Variants in FLYWCH2 observed in about 807,000 individuals in gnomAD.
The protein encoded by FLYWCH2 is FLYWCH family member 2.
Under a neutral mutation model 6.0 loss-of-function variants are expected in FLYWCH2, and 2 were observed. That is an observed-to-expected ratio of 0.33 (90% CI 0.14 to 1.04). FLYWCH2 has a LOEUF of 1.04. FLYWCH2 is among the 50% of genes least tolerant of loss of function. FLYWCH2 has a pLI of 0.45. For missense variants in FLYWCH2, 192 were observed against 183.4 expected (o/e 1.05, Z -0.27); for synonymous variants, 87 against 79.3 (o/e 1.10, Z -0.52).
In FLYWCH2 at chr16:2,883,382, G is replaced by C. The variant is rs1033009108; in HGVS notation, c.-200+16G>C. On this transcript the variant is annotated intron_variant, in intron 1 of 3. Coordinates refer to ENST00000396958, the MANE Select transcript of FLYWCH2 (RefSeq NM_138439.3). ...GCTGTCGTCGGTGAGGACGGGCCCT[G>C]GCGGGCGGGGAGGGTCCTGCGTCCT... 6.6e-6 allele frequency: 1 copy of C among 152,248 alleles called. No homozygotes were observed. The highest frequency in any genetic ancestry group is 2.4e-5 in the African/African-American group (1 of 41,466). The allele number at this position is 152,248 out of a possible 1,614,324, so 9.4% of individuals were successfully genotyped here.
intron 1 of FLYWCH2, among the ~76,000 whole-genome samples, chr16:2,888,914 A>G (rs1266820688): frequency 6.6e-6 from 1 of 152,136 alleles, no homozygotes; most frequent in Non-Finnish European, 1.5e-5. Flanking sequence ...AAGCAAATTT[A>G]TTATTGCACT....
chr16:2,886,048 A>G (rs1029091187), intron 1 of FLYWCH2, among the ~76,000 whole-genome samples: 1 of 152,010 alleles, frequency 6.6e-6, no homozygotes, highest in Non-Finnish European at 1.5e-5. Context: ...GTGTGAAGTG[A>G]TATCTCATTG....
rs2285824 is a variant in FLYWCH2 at position 2,896,432 on chromosome 16, C to T, written c.-18C>T. The stretch of plus-strand genomic sequence containing the variant: ...TGGGGGCTGAGTGTGGCCTGAGGGA[C>T]AGGCCCTGGGTCCCGGGATGCCCCT... On this transcript the variant is annotated 5_prime_UTR_variant, in exon 3 of 4. Transcript: ENST00000396958. 151,066 of 1,596,166 alleles carry T rather than the reference C, an allele frequency of 0.095. 9,151 individuals are homozygous for T. Among genetic ancestry groups the T allele is most frequent in the East Asian group, 0.24 (10,570 of 44,712 alleles).
chr16:2,895,784 A>G (rs2069812388), intron 2 of FLYWCH2, among the ~76,000 whole-genome samples: 3 of 152,206 alleles, frequency 2.0e-5, no homozygotes, highest in African/African-American at 7.2e-5. Context: ...AAACTGAGCT[A>G]ATGTCCCCAG....
intron 1 of FLYWCH2, among the ~76,000 whole-genome samples, chr16:2,886,284 G>A (rs965003961): frequency 2.8e-4 from 43 of 151,932 alleles, no homozygotes; most frequent in South Asian, 6.2e-4. Context: ...TCCACCTCCC[G>A]GGTTCAAGCA....
chr16:2,895,964 A>C (rs542324254), intron 2 of FLYWCH2, among the ~76,000 whole-genome samples: 1 of 152,212 alleles, frequency 6.6e-6, no homozygotes, highest in Non-Finnish European at 1.5e-5. Flanking sequence ...GACTGGGTCC[A>C]TAAGAACAGC....
At chr16:2,892,786 G>T (rs943066892) in intron 1 of FLYWCH2, among the ~76,000 whole-genome samples, 1 of 150,878 alleles carries the variant, frequency 6.6e-6, no homozygotes, top group African/African-American at 2.4e-5. Flanking sequence ...GGAGGTTGCA[G>T]TGATCCGAGA....
chr16:2,895,879 G>A (rs946067082), intron 2 of FLYWCH2, among the ~76,000 whole-genome samples: 2 of 152,230 alleles, frequency 1.3e-5, no homozygotes, highest in Non-Finnish European at 1.5e-5. Flanking sequence ...GTGGTCATGG[G>A]CTCTGTGTCC....
intron 1 of FLYWCH2, 119 bp downstream of exon 1, chr16:2,883,485 G>A (rs2069663512): frequency 6.5e-6 from 1 of 152,752 alleles, no homozygotes; most frequent in Non-Finnish European, 1.5e-5. Context: ...CCGCGTCCTG[G>A]TGCTCAGGCC....
intron 3 of FLYWCH2, among the ~76,000 whole-genome samples, chr16:2,898,128 C>T (rs2069844047): frequency 6.6e-6 from 1 of 152,170 alleles, no homozygotes; most frequent in Non-Finnish European, 1.5e-5. Flanking sequence ...CACAGAGGGT[C>T]ACAGCCCCAC....
intron 3 of FLYWCH2, among the ~76,000 whole-genome samples, chr16:2,898,401 C>T (rs1003416888): frequency 6.6e-6 from 1 of 152,204 alleles, no homozygotes; most frequent in African/African-American, 2.4e-5. Context: ...TCCTGCCAAC[C>T]TTGGGCAGAG....
intron 1 of FLYWCH2, among the ~76,000 whole-genome samples, chr16:2,894,514 A>T (rs2069795356): frequency 6.6e-6 from 1 of 152,178 alleles, no homozygotes; most frequent in African/African-American, 2.4e-5. Flanking sequence ...ACGGCCCCAG[A>T]GTGGCCCCCA....
chr16:2,886,612 C>T (rs775678110), intron 1 of FLYWCH2, among the ~76,000 whole-genome samples: 26 of 145,558 alleles, frequency 1.8e-4, no homozygotes, highest in Non-Finnish European at 3.4e-4. Context: ...ACCTCCGCCT[C>T]CTGGGTTCAA....
At position 2,885,139 on chromosome 16, in the gene FLYWCH2, G is replaced by A. The variant is rs1432497658; in HGVS notation, c.-200+1773G>A. ...AGATCGAGACCATCCTGGCTAACAC[G>A]GTGAAACCCCGTCTCTACTAAAAAT... On this transcript the variant is annotated intron_variant, in intron 1 of 3. Transcript: ENST00000396958. 7.9e-5 allele frequency among the ~76,000 whole-genome samples: 12 copies of A among 152,078 alleles called. No individual in the cohort carries two copies. The South Asian group carries it at 8.3e-4, about 10-fold the overall frequency.
intron 1 of FLYWCH2, among the ~76,000 whole-genome samples, chr16:2,889,600 T>C (rs1484514714): frequency 6.6e-6 from 1 of 152,086 alleles, no homozygotes; most frequent in Admixed American, 6.6e-5. Flanking sequence ...ATGCTGGGTT[T>C]TCTGTGATAA....
intron 1 of FLYWCH2, among the ~76,000 whole-genome samples, chr16:2,887,016 TTTC>T (rs2069705833): frequency 6.6e-6 from 1 of 152,174 alleles, no homozygotes; most frequent in Admixed American, 6.5e-5. Context: ...GTCCAGTTTA[TTTC>T]TTCATTGGTT....
intron 2 of FLYWCH2, 131 bp from the exon 3 acceptor site, chr16:2,896,221 A>G (rs796362683): frequency 1.8e-6 from 1 of 563,532 alleles, no homozygotes; most frequent in Non-Finnish European, 3.1e-6. Flanking sequence ...GCCTAGTTCC[A>G]TCAGGCCCCC....
chr16:2,895,878 G>T (rs558053454), intron 2 of FLYWCH2, among the ~76,000 whole-genome samples: 1 of 152,348 alleles, frequency 6.6e-6, no homozygotes, highest in East Asian at 1.9e-4. Context: ...TGTGGTCATG[G>T]GCTCTGTGTC....
At chr16:2,898,504 G>A (rs987022826) in intron 3 of FLYWCH2, among the ~76,000 whole-genome samples, 1 of 152,214 alleles carries the variant, frequency 6.6e-6, no homozygotes, top group African/African-American at 2.4e-5. Flanking sequence ...GGGCAGAGGG[G>A]GTTGGAGTCT....
Sources: gnomAD v4.1 joint callset for allele counts (sites outside exome capture counted in the v4.1 genomes callset) on GRCh38, gnomAD v4.1.1 for gene constraint, MANE v1.5 for transcripts, NCBI Gene and HGNC (gene_info 2026-07-23, HGNC 2026-07-21) for gene names.